ZNF609: variants seen among roughly 807,000 people sequenced by gnomAD.
The protein encoded by ZNF609 is zinc finger protein 609.
Under a neutral mutation model 109.5 loss-of-function variants are expected in ZNF609, and 11 were observed. The observed-to-expected ratio is 0.10, with a 90% CI of 0.06 to 0.17. The LOEUF is 0.17. Ranked by LOEUF, ZNF609 falls within the 10% of genes least tolerant of loss-of-function variation. ZNF609 has a pLI of 1.00. For synonymous variants in ZNF609, 646 were observed against 662.0 expected (o/e 0.98, Z 0.37); for missense variants, 1,559 against 1,772.4 (o/e 0.88, Z 2.16).
chr15:64,610,963 G>A (rs1425885173), intron 2 of ZNF609, among the ~76,000 whole-genome samples: 1 of 152,102 alleles, frequency 6.6e-6, no homozygotes, highest in Non-Finnish European at 1.5e-5. Flanking sequence ...TTAGCTTTCT[G>A]TTGTGTTTAC....
rs1390549457 is a variant in ZNF609, at chr15:64,641,522, T to C, written c.973+18470T>C. Among the ~76,000 whole-genome samples the C allele has an allele frequency of 3.3e-5, 5 of 152,204 alleles. No individual in the cohort carries two copies. The East Asian group carries it at 9.7e-4, about 29-fold the overall frequency. Reference sequence around the variant, plus strand: ...AGCCACCGCGCCTGGCCTACACTTGTGCTTTCTTTGGCTCCTCGAGTCCCA... The same window carrying C: ...AGCCACCGCGCCTGGCCTACACTTGCGCTTTCTTTGGCTCCTCGAGTCCCA... On this transcript the variant is annotated intron_variant, in intron 3 of 9. Coordinates refer to ENST00000326648, the MANE Select transcript of ZNF609 (RefSeq NM_015042.2).
intron 2 of ZNF609, among the ~76,000 whole-genome samples, chr15:64,555,886 CA>C (rs963732035): frequency 0.064 from 2,489 of 38,882 alleles, 7 homozygotes; most frequent in African/African-American, 0.17. Context: ...GACTCTGTCT[CA>C]AAAAAAAAAA....
At chr15:64,631,385 T>G in intron 3 of ZNF609, 1 of 726,862 alleles carries the variant, frequency 1.4e-6, no homozygotes, top group East Asian at 2.6e-5. Flanking sequence ...AACAGCGTGC[T>G]GGGGGACACT....
chr15:64,521,457 T>G (rs948795952), intron 2 of ZNF609, among the ~76,000 whole-genome samples: 4 of 152,152 alleles, frequency 2.6e-5, no homozygotes, highest in African/African-American at 9.7e-5. Flanking sequence ...AGAGGAGGAT[T>G]TTTTTTCCTT....
intron 3 of ZNF609, among the ~76,000 whole-genome samples, chr15:64,647,022 CAGTT>C (rs1286358918): frequency 1.3e-5 from 2 of 149,456 alleles, no homozygotes; most frequent in African/African-American, 4.9e-5. Flanking sequence ...AGGATGTTGT[CAGTT>C]AGGCTTACTT....
chr15:64,648,303 T>C (rs993760900), intron 3 of ZNF609, among the ~76,000 whole-genome samples: 3 of 152,096 alleles, frequency 2.0e-5, no homozygotes, highest in Admixed American at 1.3e-4. Flanking sequence ...CTGGGCAACA[T>C]AGCAAAACCT....
chr15:64,675,267 C>T lies in ZNF609; in HGVS notation c.2413C>T (p.Pro805Ser). The T allele has an allele frequency of 6.2e-7, 1 of 1,614,132 alleles. No homozygotes were observed. Among genetic ancestry groups the T allele is most frequent in the East Asian group, 2.2e-5 (1 of 44,878 alleles). Residue 805 changes from proline (P) to serine (S), a missense_variant, in exon 5 of 10, where the codon CCT (proline) becomes TCT (serine). Physicochemically the swap from Pro to Ser is moderately conservative, Grantham distance 74. Transcript: ENST00000326648. ...CAGTTTCACGGACAATGCCCCCAGC[C>T]CTTCCATTGGAGGCAGTAGCCGCCT... Reference protein sequence around the residue: ...IYSFTDNAPSPSIGGSSRLEN... With the variant: ...IYSFTDNAPSSSIGGSSRLEN...
intron 2 of ZNF609, among the ~76,000 whole-genome samples, chr15:64,617,638 G>A (rs981049209): frequency 9.3e-5 from 14 of 151,214 alleles, no homozygotes; most frequent in Admixed American, 3.3e-4. Context: ...AAATTAGCCA[G>A]GCATGGTGGT....
intron 2 of ZNF609, among the ~76,000 whole-genome samples, chr15:64,508,278 A>C (rs991675229): frequency 6.6e-6 from 1 of 152,214 alleles, no homozygotes; most frequent in African/African-American, 2.4e-5. Flanking sequence ...TTGCTCAAGG[A>C]GGCCCAAAGG....
intron 3 of ZNF609, chr15:64,631,206 A>G: frequency 1.6e-6 from 1 of 624,718 alleles, no homozygotes; most frequent in Non-Finnish European, 3.0e-6. Context: ...CTGCTGCTTC[A>G]GGTGAACCCA....
chr15:64,547,611 G>A (rs1218545526), intron 2 of ZNF609, among the ~76,000 whole-genome samples: 1 of 151,824 alleles, frequency 6.6e-6, no homozygotes, highest in African/African-American at 2.4e-5. Flanking sequence ...TCAGGAGGAT[G>A]ATGGAATTAC....
chr15:64,575,450 CA>C (rs1894935715), intron 2 of ZNF609, among the ~76,000 whole-genome samples: 1 of 151,604 alleles, frequency 6.6e-6, no homozygotes, highest in Non-Finnish European at 1.5e-5. Flanking sequence ...AGGGGAAAAC[CA>C]GAGGTTATCT....
At position 64,682,379 on chromosome 15, in the gene ZNF609, C is replaced by A. The variant is rs1428569496; in HGVS notation, c.*693C>A. ...TCTGCCCCAACATGGCCTTGAGCTG[C>A]CTGTGAGGCAGGGGGCAGGGGTTCC... On this transcript the variant is annotated 3_prime_UTR_variant, in exon 10 of 10. Transcript: ENST00000326648. The A allele has an allele frequency of 6.5e-6, 1 of 152,700 alleles. No individual in the cohort carries two copies. Among genetic ancestry groups the A allele is most frequent in the Non-Finnish European group, 1.5e-5 (1 of 68,082 alleles). 9.5% of individuals were successfully genotyped at this position (152,700 alleles called of 1,614,324 possible).
chr15:64,504,116 C>T lies in ZNF609; in HGVS notation c.747+3950C>T, dbSNP rs188662986. 1.1e-3 allele frequency among the ~76,000 whole-genome samples: 165 copies of T among 152,276 alleles called. 1 individual carries two copies. The highest frequency in any genetic ancestry group is 3.4e-3 in the Middle Eastern group (1 of 294). ...AGCTTTGCTTCCTGAAACCAAATGCCCTCAAGATTTTCCTTCATGGAAAAC... is the reference window on the plus strand; with the variant it reads ...AGCTTTGCTTCCTGAAACCAAATGCTCTCAAGATTTTCCTTCATGGAAAAC... On this transcript the variant is annotated intron_variant, in intron 2 of 9. Transcript: ENST00000326648.
intron 1 of ZNF609, chr15:64,470,445 G>A (rs117939684): frequency 1.4e-4 from 21 of 152,268 alleles, no homozygotes; most frequent in Non-Finnish European, 2.5e-4. Context: ...TAAAAGAGAC[G>A]AGAAATGAAA....
At chr15:64,679,010 G>T (rs929918968) in intron 6 of ZNF609, among the ~76,000 whole-genome samples, 2 of 152,198 alleles carry the variant, frequency 1.3e-5, no homozygotes, top group Non-Finnish European at 2.9e-5. Flanking sequence ...AAGTCAGACT[G>T]GGGGGAGGTC....
intron 3 of ZNF609, among the ~76,000 whole-genome samples, chr15:64,656,482 C>G (rs1896489325): frequency 6.6e-6 from 1 of 152,192 alleles, no homozygotes; most frequent in African/African-American, 2.4e-5. Context: ...TACTCTCTGA[C>G]ACATGCCTCA....
At chr15:64,602,170 C>T (rs535782610) in intron 2 of ZNF609, among the ~76,000 whole-genome samples, 2 of 152,264 alleles carry the variant, frequency 1.3e-5, no homozygotes, top group Admixed American at 6.5e-5. Flanking sequence ...CTACTTTTTT[C>T]TGCAACTAGA....
In ZNF609 at chr15:64,673,930, C is replaced by A; in HGVS notation, c.1076C>A (p.Pro359Gln). The change falls in exon 5 of 10, where the codon CCG becomes CAG. Residue 359 changes from proline (P) to glutamine (Q), a missense_variant. Pro to Gln is a moderately conservative substitution (Grantham distance 76). Coordinates refer to ENST00000326648, the MANE Select transcript of ZNF609 (RefSeq NM_015042.2). ...CCTTTGCCAAGGTTCTGTGACTCCC[C>A]GACCAGTGACCTGGAAATGCGCAAT... The part of the protein sequence containing the change: ...DWAPPRFCDS[P>Q]TSDLEMRNGR... 1 of 1,611,738 alleles carries A rather than the reference C, an allele frequency of 6.2e-7. No homozygotes were observed. Among genetic ancestry groups the A allele is most frequent in the Non-Finnish European group, 8.5e-7 (1 of 1,178,142 alleles).
Sources: gnomAD v4.1 joint callset for allele counts (sites outside exome capture counted in the v4.1 genomes callset) on GRCh38, gnomAD v4.1.1 for gene constraint, MANE v1.5 for transcripts, NCBI Gene and HGNC (gene_info 2026-07-23, HGNC 2026-07-21) for gene names.